CHRNA7: variants seen among roughly 807,000 people sequenced by gnomAD.
CHRNA7 encodes the protein neuronal acetylcholine receptor subunit alpha-7.
A neutral mutation model predicts 48.0 loss-of-function variants in CHRNA7; 17 were observed. The ratio of observed to expected loss-of-function variants is 0.35; its 90% CI spans 0.24 to 0.53. The LOEUF (loss-of-function observed/expected upper bound fraction) is 0.53. CHRNA7 is among the 20% of genes least tolerant of loss of function. CHRNA7 has a pLI of 0.92. For missense variants in CHRNA7, 155 were observed against 577.7 expected (o/e 0.27, Z 7.50); for synonymous variants, 75 against 242.3 (o/e 0.31, Z 6.41).
chr15:32,039,921 A>T (rs189141505), intron 2 of CHRNA7, among the ~76,000 whole-genome samples: 1 of 152,192 alleles, frequency 6.6e-6, no homozygotes, highest in African/African-American at 2.4e-5. Context: ...CATTAGTTTG[A>T]TGCTGTGTTT....
At chr15:32,101,730 T>A (rs2050577247) in intron 3 of CHRNA7, 2 of 186,298 alleles carry the variant, frequency 1.1e-5, no homozygotes, top group Non-Finnish European at 2.2e-5. Context: ...CATGTTTGAA[T>A]CAGGTGGAGT....
intron 2 of CHRNA7, among the ~76,000 whole-genome samples, chr15:32,072,264 G>A (rs1377911311): frequency 1.3e-5 from 2 of 152,348 alleles, no homozygotes; most frequent in Middle Eastern, 3.4e-3. Context: ...ACATTTCTAA[G>A]CAGCAAAGCA....
intron 4 of CHRNA7, among the ~76,000 whole-genome samples, chr15:32,120,908 C>T (rs1175253712): frequency 2.0e-5 from 3 of 152,186 alleles, no homozygotes; most frequent in African/African-American, 7.2e-5. Flanking sequence ...CAGTCTTCAT[C>T]ATGAGCTGCC....
chr15:32,052,453 A>G (rs946246617), intron 2 of CHRNA7, among the ~76,000 whole-genome samples: 21 of 152,320 alleles, frequency 1.4e-4, no homozygotes, highest in African/African-American at 4.3e-4. Context: ...GGAAGAGGCC[A>G]GGTGCGTTGG....
chr15:32,147,572 A>G (rs2051518614), intron 4 of CHRNA7, among the ~76,000 whole-genome samples: 1 of 152,160 alleles, frequency 6.6e-6, no homozygotes, highest in Non-Finnish European at 1.5e-5. Flanking sequence ...AAATAAACAA[A>G]TAATATAAAT....
chr15:32,122,687 AAAT>A (rs2050992786), intron 4 of CHRNA7, among the ~76,000 whole-genome samples: 1 of 152,128 alleles, frequency 6.6e-6, no homozygotes, highest in Admixed American at 6.5e-5. Context: ...AAGGGATAGA[AAAT>A]AATTCTAACA....
At chr15:32,103,502 C>T (rs1473447957) in intron 3 of CHRNA7, among the ~76,000 whole-genome samples, 4 of 147,002 alleles carry the variant, frequency 2.7e-5, no homozygotes, top group Non-Finnish European at 6.0e-5. Flanking sequence ...ATGTGAGACT[C>T]CTGCAGAACC....
intron 2 of CHRNA7, among the ~76,000 whole-genome samples, chr15:32,033,503 C>T (rs1453955165): frequency 3.3e-5 from 5 of 152,292 alleles, no homozygotes; most frequent in Admixed American, 1.3e-4. Flanking sequence ...TTGGTAACTT[C>T]GGCAGAACAA....
intron 2 of CHRNA7, among the ~76,000 whole-genome samples, chr15:32,095,217 G>T (rs1194832365): frequency 6.6e-6 from 1 of 152,144 alleles, no homozygotes; most frequent in African/African-American, 2.4e-5. Context: ...ATCCCGAGAG[G>T]GCCAGGCCCT....
Position 32,170,404 on chromosome 15 carries a change from T to A in CHRNA7, c.*1946T>A, listed in dbSNP as rs1427619191. Reference sequence around the variant, plus strand: ...AGGCATTCCTTCCACATGCTATGGATGAACCATGCACAAGATTTTCGGTTT... The same window carrying A: ...AGGCATTCCTTCCACATGCTATGGAAGAACCATGCACAAGATTTTCGGTTT... On this transcript the variant is annotated 3_prime_UTR_variant, in exon 10 of 10. Transcript: ENST00000306901. 1.5e-5 allele frequency: 2 copies of A among 132,508 alleles called. No individual in the cohort carries two copies. The highest frequency in any genetic ancestry group is 3.2e-5 in the Non-Finnish European group (2 of 62,950). 8.2% of individuals were successfully genotyped at this position (132,508 alleles called of 1,614,324 possible).
At chr15:32,054,423 T>G (rs2049748733) in intron 2 of CHRNA7, among the ~76,000 whole-genome samples, 1 of 152,164 alleles carries the variant, frequency 6.6e-6, no homozygotes, top group Non-Finnish European at 1.5e-5. Flanking sequence ...ACACACATCT[T>G]ATTTTGGAAG....
At position 32,064,413 on chromosome 15, in the gene CHRNA7, G is replaced by A. The variant is rs1365508938; in HGVS notation, c.195+33376G>A. Among the ~76,000 whole-genome samples the A allele has an allele frequency of 2.6e-5, 4 of 151,478 alleles. No homozygotes were observed. In the Admixed American group the frequency reaches 2.6e-4, roughly 10 times the overall value. On this transcript the variant is annotated intron_variant, in intron 2 of 9. Transcript: ENST00000306901. ...AGTCCCTTATCTGTTGTTTATTTTG[G>A]TCTCTATTTGTCATATTAGAGCCTT...
intron 4 of CHRNA7, among the ~76,000 whole-genome samples, chr15:32,132,416 A>C (rs1158889157): frequency 2.6e-5 from 4 of 152,148 alleles, no homozygotes; most frequent in African/African-American, 9.7e-5. Flanking sequence ...CAGCCTTCTT[A>C]TGTTTATTTA....
intron 2 of CHRNA7, among the ~76,000 whole-genome samples, chr15:32,060,687 T>C (rs553167075): frequency 6.6e-6 from 1 of 152,306 alleles, no homozygotes; most frequent in Non-Finnish European, 1.5e-5. Context: ...TTTCAAGAGA[T>C]AGACTTAAAT....
chr15:32,121,348 G>T lies in CHRNA7; in HGVS notation c.350+9449G>T, dbSNP rs564280087. ...GTAATCAGTAGCAAATCAGTTTACC[G>T]TGGGTGGTCTCATCTGACGTATTTT... On this transcript the variant is annotated intron_variant, in intron 4 of 9. Transcript: ENST00000306901. Among the ~76,000 whole-genome samples the T allele has an allele frequency of 1.8e-4, 28 of 152,320 alleles. No individual in the cohort carries two copies. In the South Asian group the frequency reaches 5.8e-3, roughly 32 times the overall value.
chr15:32,143,957 C>T (rs1339555267), intron 4 of CHRNA7, among the ~76,000 whole-genome samples: 1 of 152,140 alleles, frequency 6.6e-6, no homozygotes, highest in Admixed American at 6.5e-5. Context: ...TTGATCCTGT[C>T]ATTATGATGC....
intron 2 of CHRNA7, among the ~76,000 whole-genome samples, chr15:32,042,222 C>T (rs187820231): frequency 3.3e-5 from 5 of 152,262 alleles, no homozygotes; most frequent in African/African-American, 1.2e-4. Flanking sequence ...CCTCTGGACA[C>T]GAACTTCATA....
At chr15:32,038,992 G>A (rs2049400924) in intron 2 of CHRNA7, among the ~76,000 whole-genome samples, 1 of 152,094 alleles carries the variant, frequency 6.6e-6, no homozygotes, top group Non-Finnish European at 1.5e-5. Context: ...TGAGTTTTGA[G>A]AAATTTTGTC....
intron 4 of CHRNA7, among the ~76,000 whole-genome samples, chr15:32,125,039 G>T (rs1311584177): frequency 6.6e-6 from 1 of 152,206 alleles, no homozygotes; most frequent in Admixed American, 6.5e-5. Context: ...CAACTGCCGG[G>T]TGGATGCCCT....
Sources: gnomAD v4.1 joint callset for allele counts (sites outside exome capture counted in the v4.1 genomes callset) on GRCh38, gnomAD v4.1.1 for gene constraint, MANE v1.5 for transcripts, NCBI Gene and HGNC (gene_info 2026-07-23, HGNC 2026-07-21) for gene names.